The following EIF4E variants were observed in gnomAD, a reference collection of about 807,000 sequenced individuals.
EIF4E encodes eukaryotic translation initiation factor 4E.
For missense variants in EIF4E, 113 were observed against 265.6 expected, an observed-to-expected ratio of 0.43 and a Z score of 3.99; for synonymous variants, 71 against 88.5, an observed-to-expected ratio of 0.80 and a Z score of 1.11.
intron 1 of EIF4E, among the ~76,000 whole-genome samples, chr4:98,923,405 T>A (rs1287579991): frequency 6.6e-6 from 1 of 151,960 alleles, no homozygotes; most frequent in South Asian, 2.1e-4. Context: ...AGCTCTGACC[T>A]CCCAGGCTCA....
At chr4:98,908,392 T>C (rs536452751) in intron 1 of EIF4E, among the ~76,000 whole-genome samples, 1 of 152,316 alleles carries the variant, frequency 6.6e-6, no homozygotes, top group Non-Finnish European at 1.5e-5. Flanking sequence ...GTGACTCATA[T>C]CCAGTAGTGC....
chr4:98,882,847 T>C (rs897414093), intron 6 of EIF4E, among the ~76,000 whole-genome samples: 7 of 151,056 alleles, frequency 4.6e-5, no homozygotes, highest in African/African-American at 1.5e-4. Flanking sequence ...AAAAAAAAAG[T>C]AAATCCTCCA....
At chr4:98,914,361 C>CAAAAAAAAAAAAAAA (rs1159581783) in intron 1 of EIF4E, among the ~76,000 whole-genome samples, 1 of 34,834 alleles carries the variant, frequency 2.9e-5, no homozygotes, top group African/African-American at 1.0e-4. Flanking sequence ...GACTCCGTCT[C>CAAAAAAAAAAAAAAA]AAAAAAAAAA....
At chr4:98,885,598 C>T (rs1723885400) in intron 5 of EIF4E, among the ~76,000 whole-genome samples, 1 of 152,058 alleles carries the variant, frequency 6.6e-6, no homozygotes, top group Non-Finnish European at 1.5e-5. Context: ...CATACAGGGA[C>T]ATGTCACCAT....
At chr4:98,902,056 T>G in intron 1 of EIF4E, 74 bp from the exon 2 acceptor site, 1 of 1,381,190 alleles carries the variant, frequency 7.2e-7, no homozygotes, top group Non-Finnish European at 1.0e-6. Flanking sequence ...TAACTAAACC[T>G]GAACTGATAT....
At chr4:98,902,258 G>A (rs1280918179) in intron 1 of EIF4E, among the ~76,000 whole-genome samples, 1 of 152,202 alleles carries the variant, frequency 6.6e-6, no homozygotes, top group Non-Finnish European at 1.5e-5. Flanking sequence ...TTTTAGTAGA[G>A]ACGGGGTTTC....
chr4:98,881,295 G>A (rs1378735817), intron 6 of EIF4E, among the ~76,000 whole-genome samples, 153 bp from the exon 7 acceptor site: 2 of 152,048 alleles, frequency 1.3e-5, no homozygotes, highest in Middle Eastern at 3.2e-3. Context: ...TTTCCTTTCA[G>A]CACAATTTAC....
At chr4:98,899,100 A>G (rs1425158728) in intron 2 of EIF4E, among the ~76,000 whole-genome samples, 2 of 152,078 alleles carry the variant, frequency 1.3e-5, no homozygotes, top group Non-Finnish European at 2.9e-5. Flanking sequence ...TTAGAAGACA[A>G]ATGATATGGA....
chr4:98,913,063 C>T, intron 1 of EIF4E, among the ~76,000 whole-genome samples: 1 of 152,050 alleles, frequency 6.6e-6, no homozygotes. Context: ...CAAAAATTAG[C>T]CAGGTGTAGT....
chr4:98,891,222 C>A lies in EIF4E; in HGVS notation c.221+15G>T. The A allele has an allele frequency of 1.2e-6, 2 of 1,613,388 alleles. No homozygotes were observed. Among genetic ancestry groups the A allele is most frequent in the Non-Finnish European group, 1.7e-6 (2 of 1,179,452 alleles). Reference sequence around the variant, plus strand: ...GAATAAAACAACAAACATACTAAAACAAATGGTTACTTACGCCCAAAAGTC... The same window carrying A: ...GAATAAAACAACAAACATACTAAAAAAAATGGTTACTTACGCCCAAAAGTC... On this transcript the variant is annotated intron_variant, in intron 3 of 6. Coordinates refer to ENST00000450253, the MANE Select transcript of EIF4E (RefSeq NM_001968.5).
At chr4:98,893,858 T>C (rs1407361078) in intron 2 of EIF4E, among the ~76,000 whole-genome samples, 3 of 152,224 alleles carry the variant, frequency 2.0e-5, no homozygotes, top group Non-Finnish European at 4.4e-5. Context: ...TTTGTCCAGA[T>C]CCATCAAAGG....
intron 1 of EIF4E, among the ~76,000 whole-genome samples, chr4:98,915,491 T>C (rs1387498962): frequency 1.3e-5 from 2 of 152,182 alleles, no homozygotes; most frequent in Middle Eastern, 3.4e-3. Flanking sequence ...TGTATTCCAA[T>C]AATCTGCCCA....
At chr4:98,899,674 T>C (rs1477783950) in intron 2 of EIF4E, among the ~76,000 whole-genome samples, 1 of 152,182 alleles carries the variant, frequency 6.6e-6, no homozygotes, top group African/African-American at 2.4e-5. Context: ...TATATGGTGG[T>C]ATATCAATAT....
At chr4:98,909,771 C>G (rs773605191) in intron 1 of EIF4E, 1 of 703,662 alleles carries the variant, frequency 1.4e-6, no homozygotes, top group Non-Finnish European at 2.6e-6. Context: ...TGTTTTGCTT[C>G]TTTTTCATGC....
At chr4:98,924,830 T>A (rs996888529) in intron 1 of EIF4E, among the ~76,000 whole-genome samples, 6 of 151,572 alleles carry the variant, frequency 4.0e-5, no homozygotes, top group African/African-American at 1.5e-4. Context: ...TGACCTCAAG[T>A]GATCCCCACC....
intron 1 of EIF4E, among the ~76,000 whole-genome samples, chr4:98,927,539 C>A (rs1725928819): frequency 6.6e-6 from 1 of 151,306 alleles, no homozygotes. Flanking sequence ...ACCTGTAATC[C>A]CAGCTACTCA....
chr4:98,905,961 G>C (rs979180852), intron 1 of EIF4E, among the ~76,000 whole-genome samples: 2 of 152,092 alleles, frequency 1.3e-5, no homozygotes, highest in Admixed American at 6.6e-5. Flanking sequence ...ATCATTCTGT[G>C]GTGTTTTCAA....
At chr4:98,890,546 T>C (rs1483383894) in intron 3 of EIF4E, among the ~76,000 whole-genome samples, 2 of 152,186 alleles carry the variant, frequency 1.3e-5, no homozygotes, top group Admixed American at 6.6e-5. Context: ...ACCAGGTTGG[T>C]CTTGAACTCC....
intron 2 of EIF4E, among the ~76,000 whole-genome samples, chr4:98,892,049 A>G (rs1481750227): frequency 6.6e-6 from 1 of 152,214 alleles, no homozygotes; most frequent in East Asian, 1.9e-4. Flanking sequence ...ACAGTTATTT[A>G]AGAAAAACAC....
Sources: allele counts gnomAD v4.1 joint callset (sites outside exome capture counted in the v4.1 genomes callset), GRCh38; gene constraint gnomAD v4.1.1; transcripts MANE v1.5; gene names NCBI Gene and HGNC (gene_info 2026-07-23, HGNC 2026-07-21).